The following GNAL variants were observed in gnomAD, a reference collection of about 807,000 sequenced individuals.
GNAL encodes guanine nucleotide-binding protein G(olf) subunit alpha.
In GNAL, 18 loss-of-function variants were observed where a neutral mutation model predicts 55.1. The observed-to-expected ratio is 0.33, with a 90% CI of 0.23 to 0.48. The LOEUF (loss-of-function observed/expected upper bound fraction) is 0.48. Ranked by LOEUF, GNAL falls within the 20% of genes least tolerant of loss-of-function variation. The pLI is 0.99. For missense variants in GNAL, 412 were observed against 614.1 expected (o/e 0.67, Z 3.48); for synonymous variants, 253 against 237.0 (o/e 1.07, Z -0.62).
chr18:11,729,765 G>T, intron 1 of GNAL, among the ~76,000 whole-genome samples: 1 of 152,174 alleles, frequency 6.6e-6, no homozygotes, highest in Admixed American at 6.5e-5. Context: ...TTTATTCTGA[G>T]CCAATGTGGC....
intron 4 of GNAL, among the ~76,000 whole-genome samples, chr18:11,813,772 G>A (rs537935865): frequency 6.6e-6 from 1 of 152,334 alleles, no homozygotes; most frequent in South Asian, 2.1e-4. Flanking sequence ...CAGCTACTCA[G>A]GAGGCTGACA....
intron 1 of GNAL, among the ~76,000 whole-genome samples, chr18:11,728,368 T>C (rs2143431057): frequency 6.6e-6 from 1 of 152,278 alleles, no homozygotes; most frequent in Non-Finnish European, 1.5e-5. Flanking sequence ...CAGGCAAAAG[T>C]TATTTACTTT....
chr18:11,872,492 G>T, intron 10 of GNAL, 94 bp downstream of exon 10: 1 of 797,650 alleles, frequency 1.3e-6, no homozygotes, highest in Non-Finnish European at 2.0e-6. Context: ...ATGAATCAAA[G>T]AAATTCACTT....
chr18:11,847,636 CTT>C (rs1481150512), intron 5 of GNAL, among the ~76,000 whole-genome samples: 1 of 150,920 alleles, frequency 6.6e-6, no homozygotes, highest in Admixed American at 6.6e-5. Flanking sequence ...TCAAAAATTT[CTT>C]TTTTTTTCAC....
chr18:11,783,688 AAT>A, intron 4 of GNAL, among the ~76,000 whole-genome samples: 1 of 152,244 alleles, frequency 6.6e-6, no homozygotes, highest in East Asian at 1.9e-4. Context: ...AAAGCTTAAT[AAT>A]ATATTTTAAC....
chr18:11,871,991 C>G (rs1338855111), intron 9 of GNAL, among the ~76,000 whole-genome samples: 2 of 152,202 alleles, frequency 1.3e-5, no homozygotes, highest in Non-Finnish European at 2.9e-5. Flanking sequence ...AATGCTCCGA[C>G]AAGCATTTCC....
At chr18:11,696,919 C>T (rs569825848) in intron 1 of GNAL, among the ~76,000 whole-genome samples, 1 of 152,328 alleles carries the variant, frequency 6.6e-6, no homozygotes, top group East Asian at 1.9e-4. Flanking sequence ...GGTTAGAGCA[C>T]AGCACTGGAG....
intron 4 of GNAL, among the ~76,000 whole-genome samples, chr18:11,792,113 G>A (rs1259394688): frequency 6.6e-6 from 1 of 152,004 alleles, no homozygotes; most frequent in Non-Finnish European, 1.5e-5. Context: ...TTCCTAATTG[G>A]CACCATAGCT....
chr18:11,861,626 G>C (rs1055053244), intron 5 of GNAL, among the ~76,000 whole-genome samples: 1 of 152,154 alleles, frequency 6.6e-6, no homozygotes, highest in Non-Finnish European at 1.5e-5. Flanking sequence ...AGAGAGGGCG[G>C]GGGAGGCCTG....
At position 11,751,275 on chromosome 18, in the gene GNAL, C is replaced by G. The variant is rs998120415; in HGVS notation, c.377-1578C>G. On this transcript the variant is annotated intron_variant, in intron 1 of 11. Transcript: ENST00000334049. The surrounding 1 kb of genome is among the most constrained non-coding windows in gnomAD (Gnocchi z 4.5). ...AAACGCCAAGCTGCCGGCTCTGGCC[C>G]TATTGGAGGGGTCTCAGTAACGGAG... Among the ~76,000 whole-genome samples the G allele has an allele frequency of 6.6e-6, 1 of 152,192 alleles. No homozygotes were observed. Among genetic ancestry groups the G allele is most frequent in the African/African-American group, 2.4e-5 (1 of 41,448 alleles).
At position 11,869,039 on chromosome 18, in the gene GNAL, C is replaced by T. The variant is rs1210028667; in HGVS notation, c.1031+376C>T. On this transcript the variant is annotated intron_variant, in intron 9 of 11. Transcript: ENST00000334049. ...ACACACATACCTACACCCACACCCA[C>T]ACACCCACACACTCTCTTTACTGAT... is the stretch of plus-strand genomic sequence containing the variant. Among the ~76,000 whole-genome samples, 3 of 148,608 alleles carry T rather than the reference C, an allele frequency of 2.0e-5. No homozygotes were observed. In the East Asian group the frequency reaches 5.8e-4, roughly 29 times the overall value.
intron 1 of GNAL, among the ~76,000 whole-genome samples, chr18:11,741,105 A>C (rs552795102): frequency 2.6e-5 from 4 of 152,392 alleles, no homozygotes; most frequent in African/African-American, 9.6e-5. Context: ...TTAATTCATC[A>C]GTCATTATAT....
chr18:11,768,081 A>G (rs948239641), intron 4 of GNAL, among the ~76,000 whole-genome samples: 12 of 151,098 alleles, frequency 7.9e-5, no homozygotes, highest in African/African-American at 9.9e-5. Flanking sequence ...TTTGATTCTT[A>G]AAGCTCATAG....
intron 1 of GNAL, among the ~76,000 whole-genome samples, chr18:11,693,554 G>A (rs1278395923): frequency 6.6e-6 from 1 of 152,280 alleles, no homozygotes. Flanking sequence ...AAATTTTTGA[G>A]TCAGAAATAT....
At chr18:11,858,914 C>G (rs1460391088) in intron 5 of GNAL, among the ~76,000 whole-genome samples, 1 of 152,174 alleles carries the variant, frequency 6.6e-6, no homozygotes, top group African/African-American at 2.4e-5. Context: ...CTGTCAGCAT[C>G]TCAAAGTCAC....
intron 5 of GNAL, among the ~76,000 whole-genome samples, chr18:11,846,003 C>G (rs1461972029): frequency 1.3e-5 from 2 of 152,118 alleles, no homozygotes; most frequent in African/African-American, 4.8e-5. Flanking sequence ...GTGGCCCTCT[C>G]TGGTGATCTG....
chr18:11,863,085 G>A (rs910460984), intron 6 of GNAL, among the ~76,000 whole-genome samples: 17 of 152,178 alleles, frequency 1.1e-4, no homozygotes, highest in African/African-American at 3.9e-4. Context: ...TGCCATGTTG[G>A]CCAGACTGGT....
At chr18:11,693,264 C>G (rs1458596776) in intron 1 of GNAL, among the ~76,000 whole-genome samples, 1 of 152,130 alleles carries the variant, frequency 6.6e-6, no homozygotes, top group Non-Finnish European at 1.5e-5. Context: ...ATGGTGAGCT[C>G]TAAAGAGTCA....
chr18:11,848,752 C>T (rs1242049179), intron 5 of GNAL, among the ~76,000 whole-genome samples: 1 of 151,000 alleles, frequency 6.6e-6, no homozygotes, highest in Non-Finnish European at 1.5e-5. Context: ...CCACCATGCC[C>T]AGTCAACAAC....
Sources: allele counts gnomAD v4.1 joint callset (sites outside exome capture counted in the v4.1 genomes callset), GRCh38; gene constraint gnomAD v4.1.1; non-coding constraint Gnocchi (gnomAD v3.1); transcripts MANE v1.5; gene names NCBI Gene and HGNC (gene_info 2026-07-23, HGNC 2026-07-21).